The following PARD3B variants were observed in gnomAD, a reference collection of about 807,000 sequenced individuals.
The protein encoded by PARD3B is par-3 family cell polarity regulator beta.
Under a neutral mutation model 130.2 loss-of-function variants are expected in PARD3B, and 103 were observed. That is an observed-to-expected ratio of 0.79 (90% CI 0.67 to 0.93). PARD3B has a LOEUF of 0.93. Ranked by LOEUF, PARD3B falls within the 40% of genes least tolerant of loss-of-function variation. The pLI, the probability that PARD3B is intolerant of heterozygous loss-of-function variation, is 0.00. For synonymous variants in PARD3B, 583 were observed against 553.2 expected (o/e 1.05, Z -0.76); for missense variants, 1,609 against 1,499.2 (o/e 1.07, Z -1.21).
At chr2:204,802,385 T>C (rs1022507271) in intron 2 of PARD3B, among the ~76,000 whole-genome samples, 1 of 152,202 alleles carries the variant, frequency 6.6e-6, no homozygotes, top group African/African-American at 2.4e-5. Flanking sequence ...GCTTTTACAC[T>C]GTTGGTGGGA....
chr2:204,801,953 A>G (rs954742275), intron 2 of PARD3B, among the ~76,000 whole-genome samples: 4 of 152,166 alleles, frequency 2.6e-5, no homozygotes, highest in Non-Finnish European at 5.9e-5. Flanking sequence ...TTTTGCATCT[A>G]TTGAGATAAT....
intron 2 of PARD3B, among the ~76,000 whole-genome samples, chr2:204,709,175 G>A (rs1308192760): frequency 1.3e-5 from 2 of 152,074 alleles, no homozygotes; most frequent in East Asian, 1.9e-4. Context: ...GAATTGTAAG[G>A]TAAAAATGCT....
chr2:205,532,068 G>A (rs944612937), intron 21 of PARD3B, among the ~76,000 whole-genome samples: 7 of 152,124 alleles, frequency 4.6e-5, no homozygotes, highest in African/African-American at 1.7e-4. Context: ...CAGAATCTGC[G>A]AATGCGCTGG....
Position 205,431,521 on chromosome 2 carries a change from G to A in PARD3B, c.2742-8849G>A, listed in dbSNP as rs7591617. ...GTCTTGCACTGTTGTCCAGGCTTGAGTGCAGTGGCGCTATCTCTGCTCACC... is the reference window on the plus strand; with the variant it reads ...GTCTTGCACTGTTGTCCAGGCTTGAATGCAGTGGCGCTATCTCTGCTCACC... On this transcript the variant is annotated intron_variant, in intron 19 of 22. Transcript: ENST00000406610. Among the ~76,000 whole-genome samples, 1,383 of 151,586 alleles carry A rather than the reference G, an allele frequency of 9.1e-3. 16 individuals carry two copies. Among genetic ancestry groups the A allele is most frequent in the African/African-American group, 0.021 (865 of 41,300 alleles).
chr2:205,038,223 C>T (rs1437816137), intron 3 of PARD3B, among the ~76,000 whole-genome samples: 3 of 152,282 alleles, frequency 2.0e-5, no homozygotes, highest in South Asian at 2.1e-4. Context: ...GGGAGGTTGA[C>T]GCACACATAA....
intron 2 of PARD3B, among the ~76,000 whole-genome samples, chr2:204,896,529 C>T (rs2046646742): frequency 6.6e-6 from 1 of 152,064 alleles, no homozygotes; most frequent in African/African-American, 2.4e-5. Context: ...TTGAATCTAC[C>T]ATACTGTAGA....
chr2:205,394,799 A>G (rs986223831), intron 18 of PARD3B, among the ~76,000 whole-genome samples: 2 of 152,346 alleles, frequency 1.3e-5, no homozygotes, highest in African/African-American at 4.8e-5. Context: ...AGCCAAATTC[A>G]TAGAGAAGGA....
In PARD3B at chr2:205,458,172, T is replaced by C. The variant is rs1477095866; in HGVS notation, c.3044+17500T>C. 1.3e-5 allele frequency among the ~76,000 whole-genome samples: 2 copies of C among 152,156 alleles called. No homozygotes were observed. The highest frequency in any genetic ancestry group is 2.9e-5 in the Non-Finnish European group (2 of 68,008). On this transcript the variant is annotated intron_variant, in intron 20 of 22. Coordinates refer to ENST00000406610, the MANE Select transcript of PARD3B (RefSeq NM_001302769.2). This position sits in a 1 kb window ranked among gnomAD's most constrained non-coding sequence, Gnocchi z 4.8. ...ACCTGATTAGGATTTGCAGAGCTTCTTAAATCTGTGCTTTAGTGTTCTTCA... is the reference window on the plus strand; with the variant it reads ...ACCTGATTAGGATTTGCAGAGCTTCCTAAATCTGTGCTTTAGTGTTCTTCA...
chr2:204,711,187 C>T (rs2038415817), intron 2 of PARD3B, among the ~76,000 whole-genome samples: 1 of 152,120 alleles, frequency 6.6e-6, no homozygotes, highest in Non-Finnish European at 1.5e-5. Context: ...TAAACAATTA[C>T]TTGTTTTATA....
rs186500107 is a variant in PARD3B, at chr2:205,072,541, G to A, written c.504+24851G>A. Among the ~76,000 whole-genome samples the A allele has an allele frequency of 2.3e-4, 35 of 152,108 alleles. 1 individual carries two copies. Among genetic ancestry groups the A allele is most frequent in the Admixed American group, 1.2e-3 (18 of 15,272 alleles). ...CGCAGGGATTACAGGCATGACCTAC[G>A]GCACCCAGCTGAGGATTAAAGTATA... On this transcript the variant is annotated intron_variant, in intron 4 of 22. Coordinates refer to ENST00000406610, the MANE Select transcript of PARD3B (RefSeq NM_001302769.2).
At chr2:204,747,438 A>C (rs1286555969) in intron 2 of PARD3B, among the ~76,000 whole-genome samples, 1 of 152,198 alleles carries the variant, frequency 6.6e-6, no homozygotes, top group African/African-American at 2.4e-5. Context: ...AAGAGGACAC[A>C]AACAAATGGA....
At chr2:204,815,577 A>G (rs1217080490) in intron 2 of PARD3B, among the ~76,000 whole-genome samples, 2 of 151,950 alleles carry the variant, frequency 1.3e-5, no homozygotes, top group South Asian at 2.1e-4. Flanking sequence ...TAACTTTGCC[A>G]TTCAATTTCC....
At chr2:204,735,568 T>C (rs1293286248) in intron 2 of PARD3B, among the ~76,000 whole-genome samples, 1 of 152,142 alleles carries the variant, frequency 6.6e-6, no homozygotes, top group Non-Finnish European at 1.5e-5. Flanking sequence ...AAAGGGGAAC[T>C]TTTCCAGATT....
chr2:205,453,944 C>T (rs1168237199), intron 20 of PARD3B, among the ~76,000 whole-genome samples: 1 of 152,140 alleles, frequency 6.6e-6, no homozygotes, highest in Non-Finnish European at 1.5e-5. Context: ...GTGCAAATAG[C>T]ATGCATGCTG....
intron 14 of PARD3B, among the ~76,000 whole-genome samples, chr2:205,189,276 A>G (rs1023256895): frequency 6.6e-6 from 1 of 152,112 alleles, no homozygotes; most frequent in Non-Finnish European, 1.5e-5. Context: ...TTGCCTCTCA[A>G]AATCTTCATC....
At chr2:204,557,915 C>T (rs748042410) in intron 1 of PARD3B, 1 of 152,164 alleles carries the variant, frequency 6.6e-6, no homozygotes, top group East Asian at 1.9e-4. Context: ...TTGTGTGATG[C>T]AGTCTCTTGT....
At chr2:204,863,403 T>C (rs2045291035) in intron 2 of PARD3B, among the ~76,000 whole-genome samples, 1 of 152,156 alleles carries the variant, frequency 6.6e-6, no homozygotes, top group Admixed American at 6.5e-5. Context: ...CCACAACCAC[T>C]TCTGGTATGA....
chr2:205,114,753 C>CTTT (rs5837954), intron 6 of PARD3B, among the ~76,000 whole-genome samples: 1 of 144,490 alleles, frequency 6.9e-6, no homozygotes, highest in Non-Finnish European at 1.5e-5. Context: ...AAGTCATCAC[C>CTTT]TTTTTTTTTT....
intron 18 of PARD3B, among the ~76,000 whole-genome samples, chr2:205,382,017 C>T (rs191850399): frequency 3.3e-5 from 5 of 152,104 alleles, no homozygotes; most frequent in Non-Finnish European, 7.4e-5. Flanking sequence ...ATAATTACCC[C>T]CAATGTTAAA....
Sources: gnomAD v4.1 joint callset for allele counts (sites outside exome capture counted in the v4.1 genomes callset) on GRCh38, gnomAD v4.1.1 for gene constraint, Gnocchi (gnomAD v3.1) non-coding constraint, MANE v1.5 for transcripts, NCBI Gene and HGNC (gene_info 2026-07-23, HGNC 2026-07-21) for gene names.